The following GOT2 variants were observed in gnomAD, a reference collection of about 807,000 sequenced individuals.
The protein encoded by GOT2 is glutamic-oxaloacetic transaminase 2, also known as aspartate aminotransferase, mitochondrial.
GOT2 carries 17 observed loss-of-function variants against 50.0 expected under a neutral mutation model. That is an observed-to-expected ratio of 0.34 (90% CI 0.23 to 0.51). GOT2 has a LOEUF of 0.51. Among genes scored for constraint, GOT2 ranks in the 20% least tolerant of loss-of-function variants. The pLI is 0.97. For synonymous variants in GOT2, 172 were observed against 204.9 expected (o/e 0.84, Z 1.37); for missense variants, 430 against 559.6 (o/e 0.77, Z 2.34).
At chr16:58,728,976 C>T (rs1360991476) in intron 1 of GOT2, among the ~76,000 whole-genome samples, 1 of 152,088 alleles carries the variant, frequency 6.6e-6, no homozygotes, top group Non-Finnish European at 1.5e-5. Flanking sequence ...CGTGAGCTAC[C>T]GCACCCGGCC....
intron 8 of GOT2, among the ~76,000 whole-genome samples, chr16:58,714,380 G>A (rs1194552584): frequency 2.6e-5 from 4 of 151,886 alleles, no homozygotes; most frequent in Admixed American, 1.3e-4. Context: ...GCGAAACCCC[G>A]TCTCTACTAA....
chr16:58,711,397 T>C (rs1322664916), intron 8 of GOT2, among the ~76,000 whole-genome samples: 1 of 152,156 alleles, frequency 6.6e-6, no homozygotes, highest in African/African-American at 2.4e-5. Flanking sequence ...CCCTTTCCAC[T>C]CCATTCCCAT....
intron 3 of GOT2, among the ~76,000 whole-genome samples, chr16:58,719,587 G>A (rs772110684): frequency 6.6e-6 from 1 of 152,020 alleles, no homozygotes; most frequent in East Asian, 1.9e-4. Flanking sequence ...GCGAGACCCT[G>A]TCTCTACTAA....
Position 58,710,664 on chromosome 16 carries a change from G to A in GOT2, c.1020-1097C>T, listed in dbSNP as rs553883423. ...TGGGAGGCCCAGGCGGGCGGATCAC[G>A]AGGTCAGGAGATCGAGACCATCCTG... On this transcript the variant is annotated intron_variant, in intron 8 of 9. Coordinates refer to ENST00000245206, the MANE Select transcript of GOT2 (RefSeq NM_002080.4). Among the ~76,000 whole-genome samples, 104 of 151,408 alleles carry A rather than the reference G, an allele frequency of 6.9e-4. 1 individual carries two copies. In the East Asian group the frequency reaches 0.012, roughly 17 times the overall value.
At chr16:58,718,478 G>A (rs369496798) in intron 5 of GOT2, 49 bp downstream of exon 5, 44 of 1,507,874 alleles carry the variant, frequency 2.9e-5, no homozygotes, top group Non-Finnish European at 3.5e-5. Flanking sequence ...TCAAATGTCC[G>A]CAAGCAAGGA....
chr16:58,709,610 T>C (rs2044630539), intron 8 of GOT2, 43 bp from the exon 9 acceptor site: 8 of 1,557,636 alleles, frequency 5.1e-6, no homozygotes, highest in African/African-American at 1.4e-5. Context: ...GCCTAAGCAC[T>C]GACCGATATG....
At chr16:58,709,877 G>C (rs2044631920) in intron 8 of GOT2, among the ~76,000 whole-genome samples, 2 of 152,140 alleles carry the variant, frequency 1.3e-5, no homozygotes, top group Admixed American at 6.5e-5. Flanking sequence ...CGTACTTTAA[G>C]TACCCATACA....
At chr16:58,716,952 C>G in intron 6 of GOT2, 139 bp from the exon 7 acceptor site, 1 of 692,744 alleles carries the variant, frequency 1.4e-6, no homozygotes, top group South Asian at 1.9e-5. Flanking sequence ...CTAACGTAAT[C>G]CTGGAAGACT....
At chr16:58,716,286 A>C in intron 7 of GOT2, 107 bp from the exon 8 acceptor site, 1 of 1,103,728 alleles carries the variant, frequency 9.1e-7, no homozygotes, top group Non-Finnish European at 1.3e-6. Flanking sequence ...AAAGGACCCC[A>C]AAATAACTTT....
intron 9 of GOT2, chr16:58,709,189 G>T: frequency 2.5e-6 from 1 of 401,682 alleles, no homozygotes; most frequent in Non-Finnish European, 4.5e-6. Context: ...TTAAGCCCTG[G>T]GAGGTGGAGG....
chr16:58,714,707 T>G (rs1567486230), intron 8 of GOT2, among the ~76,000 whole-genome samples: 3 of 149,940 alleles, frequency 2.0e-5, no homozygotes, highest in Non-Finnish European at 4.4e-5. Flanking sequence ...CAAGACTGTT[T>G]AAAAAAAAAC....
intron 7 of GOT2, 58 bp downstream of exon 7, chr16:58,716,605 C>T: frequency 6.8e-7 from 1 of 1,473,470 alleles, no homozygotes; most frequent in Admixed American, 1.7e-5. Flanking sequence ...AGCTCTATGC[C>T]CTCGTGGCAT....
rs576804032 is a variant in GOT2, at chr16:58,721,869, CT to C, written c.375+280del. On this transcript the variant is annotated intron_variant, in intron 3 of 9. Coordinates refer to ENST00000245206, the MANE Select transcript of GOT2 (RefSeq NM_002080.4). ...GATCTTGGCTCACCACAACCTCTGC[CT>C]TCCAGGTTCAAGTGATTCTCCTGCC... 433 of 215,932 alleles carry C rather than the reference CT, an allele frequency of 2.0e-3. 2 individuals carry two copies. The highest frequency in any genetic ancestry group is 9.0e-3 in the African/African-American group (393 of 43,876). 13.4% of individuals were successfully genotyped at this position (215,932 alleles called of 1,614,324 possible).
chr16:58,725,756 CTCT>C (rs2044778508), intron 1 of GOT2, among the ~76,000 whole-genome samples: 1 of 152,230 alleles, frequency 6.6e-6, no homozygotes, highest in Admixed American at 6.5e-5. Flanking sequence ...TCACCACCCT[CTCT>C]TCTTAATTTT....
chr16:58,713,354 C>T (rs1454165246), intron 8 of GOT2, among the ~76,000 whole-genome samples: 1 of 151,964 alleles, frequency 6.6e-6, no homozygotes, highest in East Asian at 1.9e-4. Context: ...AAGAACTACC[C>T]TGAGCTGGGT....
intron 9 of GOT2, among the ~76,000 whole-genome samples, chr16:58,708,684 G>A (rs1567484104): frequency 6.6e-6 from 1 of 151,840 alleles, no homozygotes; most frequent in East Asian, 1.9e-4. Flanking sequence ...AAACAGATGG[G>A]GAAAAAGACA....
chr16:58,730,179 T>C (rs968023070), intron 1 of GOT2, among the ~76,000 whole-genome samples: 30 of 152,170 alleles, frequency 2.0e-4, no homozygotes, highest in African/African-American at 7.2e-4. Flanking sequence ...GCTACTAGCA[T>C]CTGAAGGGCA....
intron 2 of GOT2, among the ~76,000 whole-genome samples, chr16:58,722,662 G>T (rs9926863): frequency 6.6e-6 from 1 of 151,944 alleles, no homozygotes; most frequent in Non-Finnish European, 1.5e-5. Flanking sequence ...GAGCCACTGC[G>T]CCCGGCCAAA....
At position 58,711,562 on chromosome 16, in the gene GOT2, G is replaced by T. The variant is rs188841348; in HGVS notation, c.1020-1995C>A. On this transcript the variant is annotated intron_variant, in intron 8 of 9. Transcript: ENST00000245206. ...AACTGCCAATTAAAGACCAAATATG[G>T]GACCTAGTAATGTTTTACTTCACCC... 2.3e-4 allele frequency among the ~76,000 whole-genome samples: 35 copies of T among 152,242 alleles called. 1 individual carries two copies. In the East Asian group the frequency reaches 5.4e-3, roughly 24 times the overall value.
Sources: allele counts gnomAD v4.1 joint callset (sites outside exome capture counted in the v4.1 genomes callset), GRCh38; gene constraint gnomAD v4.1.1; transcripts MANE v1.5; gene names NCBI Gene and HGNC (gene_info 2026-07-23, HGNC 2026-07-21).